The following PCDHA5 variants were observed in gnomAD, a reference collection of about 807,000 sequenced individuals.
PCDHA5 encodes protocadherin alpha 5.
Under a neutral mutation model 61.6 loss-of-function variants are expected in PCDHA5, and 43 were observed. The observed-to-expected ratio is 0.70, with a 90% CI of 0.55 to 0.90. PCDHA5 has a LOEUF of 0.90. PCDHA5 is among the 40% of genes least tolerant of loss of function. The pLI is 0.00. For missense variants in PCDHA5, 1,298 were observed against 1,222.7 expected, an observed-to-expected ratio of 1.06 and a Z score of -0.92; for synonymous variants, 627 against 543.9, an observed-to-expected ratio of 1.15 and a Z score of -2.13.
chr5:140,862,857 T>C (rs782223560), intron 1 of PCDHA5: 7 of 517,122 alleles, frequency 1.4e-5, no homozygotes, highest in African/African-American at 1.1e-4. Context: ...TGAGCAGCAA[T>C]GTGACGCTGC....
intron 1 of PCDHA5, among the ~76,000 whole-genome samples, chr5:140,897,927 C>T (rs2066407931): frequency 6.6e-6 from 1 of 152,196 alleles, no homozygotes. Context: ...ATTTGCGTTT[C>T]TCTGATGGCC....
chr5:140,902,211 T>C (rs1256912603), intron 1 of PCDHA5, among the ~76,000 whole-genome samples: 4 of 150,332 alleles, frequency 2.7e-5, no homozygotes, highest in African/African-American at 9.8e-5. Context: ...TTCTTTTTTT[T>C]TTTTTTTTTT....
At chr5:140,831,993 C>A (rs1438404433) in intron 1 of PCDHA5, among the ~76,000 whole-genome samples, 1 of 152,120 alleles carries the variant, frequency 6.6e-6, no homozygotes, top group East Asian at 1.9e-4. Flanking sequence ...TTACGGATTC[C>A]ATATTGTTTT....
chr5:140,901,249 C>T (rs1554189685), intron 1 of PCDHA5, among the ~76,000 whole-genome samples: 1 of 151,994 alleles, frequency 6.6e-6, no homozygotes, highest in Admixed American at 6.6e-5. Flanking sequence ...TCCTTTGGTT[C>T]CCTGTGATTG....
rs563348993 is a variant in PCDHA5, at chr5:140,822,513, T to A, written c.738T>A (p.Tyr246Ter). ...DNAPEFDKSI[Y>*]NVRLLENAPS... Reference sequence around the variant, plus strand: ...CCCCAGAATTTGATAAATCCATTTATAATGTCAGATTGTTGGAAAATGCAC... The same window carrying A: ...CCCCAGAATTTGATAAATCCATTTAAAATGTCAGATTGTTGGAAAATGCAC... The change falls in exon 1 of 4, where the codon TAT becomes TAA. Residue 246 changes from tyrosine to a stop codon, truncating the protein, a stop_gained. Transcript: ENST00000529859. LOFTEE classifies it high-confidence loss of function. 1 of 1,613,844 alleles carries A rather than the reference T, an allele frequency of 6.2e-7. No homozygotes were observed. Among genetic ancestry groups the A allele is most frequent in the Non-Finnish European group, 8.5e-7 (1 of 1,180,024 alleles).
intron 1 of PCDHA5, chr5:140,830,725 T>A (rs1319417645): frequency 9.0e-6 from 2 of 221,188 alleles, no homozygotes; most frequent in Admixed American, 5.6e-5. Context: ...AACCAAAATA[T>A]TCTTGGATAT....
At chr5:140,912,010 G>A (rs1208180595) in intron 1 of PCDHA5, among the ~76,000 whole-genome samples, 1 of 152,202 alleles carries the variant, frequency 6.6e-6, no homozygotes. Flanking sequence ...CCATCTGCAA[G>A]CTGAGGAGCA....
intron 1 of PCDHA5, among the ~76,000 whole-genome samples, chr5:140,910,422 C>T (rs1184807086): frequency 6.6e-6 from 1 of 152,148 alleles, no homozygotes; most frequent in Non-Finnish European, 1.5e-5. Flanking sequence ...TCCAATTATT[C>T]CCATTGCATT....
chr5:140,995,794 CAT>C (rs1407600046), intron 3 of PCDHA5, among the ~76,000 whole-genome samples: 65 of 152,208 alleles, frequency 4.3e-4, no homozygotes, highest in African/African-American at 1.5e-3. Flanking sequence ...AAATTTGTCT[CAT>C]GTTAGTTTCT....
intron 1 of PCDHA5, chr5:140,870,179 G>T (rs184228916): frequency 2.5e-6 from 4 of 1,613,986 alleles, no homozygotes; most frequent in African/African-American, 2.7e-5. Context: ...CTCCCAGTAC[G>T]AGAGGACGCT....
chr5:140,945,850 T>G (rs1472612975), intron 1 of PCDHA5, among the ~76,000 whole-genome samples: 1 of 152,102 alleles, frequency 6.6e-6, no homozygotes, highest in Non-Finnish European at 1.5e-5. Context: ...ATTAAAGACT[T>G]AAACATAGAC....
intron 1 of PCDHA5, chr5:140,882,209 A>G (rs781846726): frequency 5.2e-6 from 8 of 1,531,724 alleles, no homozygotes; most frequent in Non-Finnish European, 7.0e-6. Context: ...GCCTTGAGAG[A>G]CAGTTTGAGG....
At position 140,980,684 on chromosome 5, in the gene PCDHA5, GA is replaced by G. The variant is rs782726576; in HGVS notation, c.2411+1687del. 1.5e-4 allele frequency among the ~76,000 whole-genome samples: 22 copies of G among 145,136 alleles called. No individual in the cohort carries two copies. In the East Asian group the frequency reaches 2.6e-3, roughly 17 times the overall value. ...AACTTCCTTATCCCATTTTCAAATT[GA>G]AAAAAAAAAGCCAAATGTGCTCCTA... On this transcript the variant is annotated intron_variant, in intron 2 of 3. Transcript: ENST00000529859.
chr5:140,969,005 G>A (rs149076230), intron 1 of PCDHA5: 1 of 1,614,168 alleles, frequency 6.2e-7, no homozygotes, highest in Non-Finnish European at 8.5e-7. Flanking sequence ...AGGCTTCTGT[G>A]GAGTAAGGGA....
At chr5:140,933,106 C>T (rs2088855819) in intron 1 of PCDHA5, among the ~76,000 whole-genome samples, 1 of 151,884 alleles carries the variant, frequency 6.6e-6, no homozygotes. Context: ...AAAGGTTGTT[C>T]TTAAGAAACA....
chr5:140,931,585 A>G (rs1170746678), intron 1 of PCDHA5, among the ~76,000 whole-genome samples: 2 of 152,056 alleles, frequency 1.3e-5, no homozygotes, highest in Non-Finnish European at 2.9e-5. Context: ...ATTCAGTTGA[A>G]CAGTCTTTTT....
intron 3 of PCDHA5, 32 bp from the exon 4 acceptor site, chr5:141,009,595 C>A (rs781807814): frequency 6.2e-7 from 1 of 1,604,124 alleles, no homozygotes; most frequent in African/African-American, 1.3e-5. Context: ...TGTGTTGACC[C>A]TGTTAATGAT....
At chr5:140,982,025 C>A (rs1191670248) in intron 2 of PCDHA5, among the ~76,000 whole-genome samples, 1 of 152,180 alleles carries the variant, frequency 6.6e-6, no homozygotes, top group Non-Finnish European at 1.5e-5. Flanking sequence ...CAAATTGGAA[C>A]AATACTCCAA....
intron 1 of PCDHA5, chr5:140,968,472 T>C (rs1554230782): frequency 6.2e-7 from 1 of 1,614,130 alleles, no homozygotes; most frequent in Non-Finnish European, 8.5e-7. Context: ...AACGTATATG[T>C]GGTGGACATG....
Sources: allele counts gnomAD v4.1 joint callset (sites outside exome capture counted in the v4.1 genomes callset), GRCh38; gene constraint gnomAD v4.1.1; transcripts MANE v1.5; gene names NCBI Gene and HGNC (gene_info 2026-07-23, HGNC 2026-07-21).